MAGI3: variants seen among roughly 807,000 people sequenced by gnomAD.
The protein encoded by MAGI3 is membrane-associated guanylate kinase, WW and PDZ domain-containing protein 3.
A neutral mutation model predicts 121.8 loss-of-function variants in MAGI3; 43 were observed. The observed-to-expected ratio is 0.35, with a 90% CI of 0.28 to 0.46. MAGI3 has a LOEUF of 0.46. MAGI3 is among the 20% of genes least tolerant of loss of function. MAGI3 has a pLI of 1.00. For synonymous variants in MAGI3, 553 were observed against 639.3 expected (o/e 0.86, Z 2.04); for missense variants, 1,547 against 1,797.3 (o/e 0.86, Z 2.52).
chr1:113,612,197 C>G (rs895800073), intron 6 of MAGI3, among the ~76,000 whole-genome samples: 1 of 152,128 alleles, frequency 6.6e-6, no homozygotes, highest in Non-Finnish European at 1.5e-5. Context: ...CCGCCTTGGC[C>G]TCCCAAAGTG....
intron 15 of MAGI3, among the ~76,000 whole-genome samples, chr1:113,655,629 T>A (rs1344287086): frequency 6.6e-6 from 1 of 152,204 alleles, no homozygotes; most frequent in Non-Finnish European, 1.5e-5. Flanking sequence ...CCTATGGAGA[T>A]ACTTCATCTC....
chr1:113,531,452 G>A (rs530594650), intron 1 of MAGI3, among the ~76,000 whole-genome samples: 1 of 152,126 alleles, frequency 6.6e-6, no homozygotes, highest in South Asian at 2.1e-4. Flanking sequence ...CCTACCTTTG[G>A]TATGCCACTG....
chr1:113,572,058 G>A (rs1432934868), intron 2 of MAGI3, among the ~76,000 whole-genome samples: 3 of 152,142 alleles, frequency 2.0e-5, no homozygotes, highest in African/African-American at 7.2e-5. Context: ...ATTATTTTGA[G>A]ATATGTTCCA....
intron 1 of MAGI3, among the ~76,000 whole-genome samples, chr1:113,426,211 A>G (rs1419708176): frequency 6.6e-6 from 1 of 152,106 alleles, no homozygotes; most frequent in South Asian, 2.1e-4. Flanking sequence ...AGATTATCCT[A>G]TTGTCTTTCT....
intron 2 of MAGI3, among the ~76,000 whole-genome samples, chr1:113,573,324 G>C (rs1474328731): frequency 2.0e-5 from 3 of 152,190 alleles, no homozygotes; most frequent in Non-Finnish European, 2.9e-5. Flanking sequence ...TTTCCGATGT[G>C]GGCATTCAGT....
At chr1:113,395,116 T>TTTTTTTTTA (rs1651035975) in intron 1 of MAGI3, among the ~76,000 whole-genome samples, 1 of 90,524 alleles carries the variant, frequency 1.1e-5, no homozygotes, top group African/African-American at 4.5e-5. Flanking sequence ...TTTTTTTTTT[T>TTTTTTTTTA]AGTGGGATAT....
At chr1:113,484,035 G>A (rs767653390) in intron 1 of MAGI3, among the ~76,000 whole-genome samples, 7 of 151,930 alleles carry the variant, frequency 4.6e-5, no homozygotes, top group South Asian at 2.1e-4. Flanking sequence ...GTATCATATC[G>A]TTCATATGCA....
intron 16 of MAGI3, among the ~76,000 whole-genome samples, chr1:113,668,630 C>T (rs902882567): frequency 3.1e-5 from 4 of 130,502 alleles, no homozygotes; most frequent in Admixed American, 1.7e-4. Flanking sequence ...GGCCGGACTG[C>T]GGACTGCAGT....
In MAGI3 at chr1:113,683,468, T is replaced by TTCCCTAATTCTTA; in HGVS notation, c.3900_3901insTCCCTAATTCTTA (p.Pro1301SerfsTer9). The TTCCCTAATTCTTA allele has an allele frequency of 6.2e-7, 1 of 1,613,768 alleles. No homozygotes were observed. On this transcript the variant is annotated frameshift_variant, in exon 21 of 21. Transcript: ENST00000307546. LOFTEE classifies it low-confidence loss of function (END_TRUNC). ...AGCAAAAAATTGAAGGAAGCAAAGCTCCATCAAATGCTGAGGCCAAATTAT... is the reference window on the plus strand; with the variant it reads ...AGCAAAAAATTGAAGGAAGCAAAGCTTCCCTAATTCTTACCATCAAATGCTGAGGCCAAATTAT...
chr1:113,425,046 C>T (rs1239954281), intron 1 of MAGI3, among the ~76,000 whole-genome samples: 2 of 151,792 alleles, frequency 1.3e-5, no homozygotes, highest in Non-Finnish European at 2.9e-5. Context: ...GTAATCCCAG[C>T]TACTTAGGAG....
chr1:113,488,207 C>T (rs148077257), intron 1 of MAGI3, among the ~76,000 whole-genome samples: 24 of 152,256 alleles, frequency 1.6e-4, no homozygotes, highest in African/African-American at 5.8e-4. Context: ...TCTGTATATG[C>T]TCAGAGAAGT....
intron 6 of MAGI3, among the ~76,000 whole-genome samples, chr1:113,605,341 A>G (rs1421611130): frequency 1.3e-5 from 2 of 152,202 alleles, no homozygotes; most frequent in East Asian, 1.9e-4. Flanking sequence ...ATAACACTCA[A>G]TAATATGGAT....
intron 1 of MAGI3, among the ~76,000 whole-genome samples, chr1:113,490,563 T>C (rs1371077519): frequency 6.6e-6 from 1 of 152,152 alleles, no homozygotes; most frequent in African/African-American, 2.4e-5. Context: ...AATGCCCCAA[T>C]TAAAAGGCAG....
Position 113,683,019 on chromosome 1 carries a change from TCTTTGAG to T in MAGI3, c.3452_3458del (p.Ser1151Ter). 6.2e-7 allele frequency: 1 copy of T among 1,613,956 alleles called. No individual in the cohort carries two copies. The highest frequency in any genetic ancestry group is 1.1e-5 in the South Asian group (1 of 91,062). On this transcript the variant is annotated frameshift_variant, in exon 21 of 21. Coordinates refer to ENST00000307546, the MANE Select transcript of MAGI3 (RefSeq NM_001142782.2). LOFTEE classifies it low-confidence loss of function (END_TRUNC). ...GTCTCACGTGCCAGTAATTGAAGAATCTTTGAGAGTTCAGATATGTGAAAAGGCAGAA... is the reference window on the plus strand; with the variant it reads ...GTCTCACGTGCCAGTAATTGAAGAATAGTTCAGATATGTGAAAAGGCAGAA...
intron 2 of MAGI3, among the ~76,000 whole-genome samples, chr1:113,555,169 A>G (rs1659936386): frequency 1.3e-5 from 2 of 152,164 alleles, no homozygotes; most frequent in African/African-American, 4.8e-5. Context: ...ATATCCTTCA[A>G]AAATGAAAGA....
At chr1:113,620,324 T>TA (rs1474797856) in intron 8 of MAGI3, among the ~76,000 whole-genome samples, 1 of 152,156 alleles carries the variant, frequency 6.6e-6, no homozygotes, top group Non-Finnish European at 1.5e-5. Context: ...AGCATTTTTT[T>TA]AAAAATATAG....
At chr1:113,611,856 A>G (rs1442987749) in intron 6 of MAGI3, among the ~76,000 whole-genome samples, 1 of 152,156 alleles carries the variant, frequency 6.6e-6, no homozygotes, top group African/African-American at 2.4e-5. Flanking sequence ...ATTATTTGTA[A>G]TTATGGAAAA....
intron 4 of MAGI3, among the ~76,000 whole-genome samples, chr1:113,586,854 C>T (rs1281508482): frequency 3.9e-5 from 6 of 152,052 alleles, no homozygotes; most frequent in Admixed American, 2.6e-4. Flanking sequence ...GTTCTTTTAG[C>T]GGTAAACTTG....
At chr1:113,504,096 G>A (rs190520955) in intron 1 of MAGI3, among the ~76,000 whole-genome samples, 320 of 151,984 alleles carry the variant, frequency 2.1e-3, no homozygotes, top group Non-Finnish European at 3.9e-3. Flanking sequence ...AACAAAATAC[G>A]GTTAAAGAGG....
Sources: gnomAD v4.1 joint callset for allele counts (sites outside exome capture counted in the v4.1 genomes callset) on GRCh38, gnomAD v4.1.1 for gene constraint, MANE v1.5 for transcripts, NCBI Gene and HGNC (gene_info 2026-07-23, HGNC 2026-07-21) for gene names.